The following ATP8B4 variants were observed in gnomAD, a reference collection of about 807,000 sequenced individuals.
ATP8B4 encodes ATPase phospholipid transporting 8B4 (putative), also known as probable phospholipid-transporting ATPase IM.
A neutral mutation model predicts 145.6 loss-of-function variants in ATP8B4; 133 were observed. That is an observed-to-expected ratio of 0.91 (90% CI 0.79 to 1.05). ATP8B4 has a LOEUF of 1.05. Among genes scored for constraint, ATP8B4 ranks in the 50% least tolerant of loss-of-function variants. ATP8B4 has a pLI of 0.00. For missense variants in ATP8B4, 1,458 were observed against 1,425.2 expected (o/e 1.02, Z -0.37); for synonymous variants, 507 against 492.9 (o/e 1.03, Z -0.38).
chr15:49,967,382 T>C (rs554590931), intron 13 of ATP8B4, among the ~76,000 whole-genome samples: 1 of 152,298 alleles, frequency 6.6e-6, no homozygotes, highest in South Asian at 2.1e-4. Flanking sequence ...GTAAAAAGGT[T>C]AGACAAATTG....
At chr15:50,106,574 A>C (rs1319027659) in intron 2 of ATP8B4, among the ~76,000 whole-genome samples, 8 of 152,254 alleles carry the variant, frequency 5.3e-5, no homozygotes, top group Non-Finnish European at 4.4e-5. Context: ...GTATAGGTAT[A>C]TGTCAAAAAC....
intron 14 of ATP8B4, among the ~76,000 whole-genome samples, chr15:49,959,339 T>C (rs544840136): frequency 1.3e-5 from 2 of 152,162 alleles, no homozygotes; most frequent in Admixed American, 6.5e-5. Context: ...TCCAAAAATA[T>C]ATCTATTCTA....
At chr15:50,112,862 T>C (rs1324815482) in intron 1 of ATP8B4, among the ~76,000 whole-genome samples, 1 of 152,072 alleles carries the variant, frequency 6.6e-6, no homozygotes, top group Non-Finnish European at 1.5e-5. Flanking sequence ...TAACATTTTT[T>C]CACAATTCTC....
intron 1 of ATP8B4, among the ~76,000 whole-genome samples, chr15:50,179,213 T>A (rs904530842): frequency 1.3e-5 from 2 of 152,194 alleles, no homozygotes; most frequent in Non-Finnish European, 2.9e-5. Flanking sequence ...ACTCAATAAA[T>A]ATTTGTCAAT....
intron 1 of ATP8B4, among the ~76,000 whole-genome samples, chr15:50,173,183 G>A (rs1183440874): frequency 2.6e-5 from 4 of 152,148 alleles, no homozygotes; most frequent in Admixed American, 6.5e-5. Flanking sequence ...CCGCCACCCC[G>A]TCTGGGAGGT....
chr15:50,105,282 G>A (rs900120363), intron 2 of ATP8B4, among the ~76,000 whole-genome samples: 5 of 148,048 alleles, frequency 3.4e-5, no homozygotes, highest in Admixed American at 6.7e-5. Flanking sequence ...AAGACCCCAC[G>A]TGTGTGTTTG....
intron 14 of ATP8B4, among the ~76,000 whole-genome samples, chr15:49,959,444 G>A (rs866743357): frequency 3.9e-5 from 6 of 151,964 alleles, no homozygotes; most frequent in Middle Eastern, 3.4e-3. Context: ...ATATTACTTT[G>A]TATTATTCTA....
chr15:49,886,419 G>A (rs940929568), intron 23 of ATP8B4, among the ~76,000 whole-genome samples: 1 of 152,264 alleles, frequency 6.6e-6, no homozygotes, highest in Admixed American at 6.5e-5. Flanking sequence ...GGAGGATGGG[G>A]GGAGCATGCA....
At chr15:50,079,568 G>A (rs2054408585) in intron 2 of ATP8B4, among the ~76,000 whole-genome samples, 1 of 152,126 alleles carries the variant, frequency 6.6e-6, no homozygotes, top group African/African-American at 2.4e-5. Context: ...TCTTGCCTCA[G>A]GCATTAATTT....
intron 5 of ATP8B4, among the ~76,000 whole-genome samples, chr15:50,041,872 G>A (rs554466762): frequency 4.6e-5 from 7 of 151,304 alleles, no homozygotes; most frequent in Admixed American, 1.3e-4. Context: ...CCCGGGAGGC[G>A]GAGGTTGCAG....
chr15:50,178,792 C>A (rs2044801584), intron 1 of ATP8B4, among the ~76,000 whole-genome samples: 1 of 152,108 alleles, frequency 6.6e-6, no homozygotes, highest in South Asian at 2.1e-4. Flanking sequence ...CTATTTTAAC[C>A]ATTTTTAAGT....
chr15:49,872,498 A>G (rs2153387546), intron 25 of ATP8B4, among the ~76,000 whole-genome samples: 2 of 152,296 alleles, frequency 1.3e-5, no homozygotes, highest in African/African-American at 4.8e-5. Flanking sequence ...ACATCATTGT[A>G]AGCAAGTAGT....
At chr15:49,919,918 A>T (rs113050322) in intron 18 of ATP8B4, among the ~76,000 whole-genome samples, 8 of 152,272 alleles carry the variant, frequency 5.3e-5, no homozygotes, top group African/African-American at 1.9e-4. Flanking sequence ...CTCTGCTCTA[A>T]AAAGGTGGGT....
intron 16 of ATP8B4, among the ~76,000 whole-genome samples, chr15:49,930,701 C>CA (rs2041171271): frequency 2.0e-5 from 3 of 152,058 alleles, no homozygotes; most frequent in African/African-American, 7.2e-5. Flanking sequence ...TATTCTACTT[C>CA]AAACTATGCG....
chr15:49,924,582 A>T, intron 16 of ATP8B4, among the ~76,000 whole-genome samples: 1 of 151,892 alleles, frequency 6.6e-6, no homozygotes, highest in East Asian at 1.9e-4. Context: ...TTTAGTGCTT[A>T]ATTTAAAAAA....
intron 9 of ATP8B4, among the ~76,000 whole-genome samples, chr15:49,988,936 G>C (rs1276962861): frequency 6.6e-6 from 1 of 152,186 alleles, no homozygotes; most frequent in Non-Finnish European, 1.5e-5. Flanking sequence ...AAAGGAATGA[G>C]GGACTTATGT....
intron 3 of ATP8B4, among the ~76,000 whole-genome samples, chr15:50,054,931 A>G (rs2052492662): frequency 6.6e-6 from 1 of 151,504 alleles, no homozygotes; most frequent in Non-Finnish European, 1.5e-5. Flanking sequence ...CCTTAGTTTC[A>G]CGAACTGGAT....
At chr15:50,142,930 C>T (rs568033946) in intron 1 of ATP8B4, among the ~76,000 whole-genome samples, 12 of 152,252 alleles carry the variant, frequency 7.9e-5, no homozygotes, top group South Asian at 2.1e-4. Context: ...TGAGAAGAAA[C>T]GAACTGTTTC....
intron 3 of ATP8B4, among the ~76,000 whole-genome samples, chr15:50,064,952 C>T (rs75232343): frequency 0.011 from 1,658 of 152,214 alleles, 36 homozygotes; most frequent in African/African-American, 0.039. Context: ...GGTGCTAACC[C>T]ACTCATAAGA....
Sources: allele counts gnomAD v4.1 joint callset (sites outside exome capture counted in the v4.1 genomes callset), GRCh38; gene constraint gnomAD v4.1.1; transcripts MANE v1.5; gene names NCBI Gene and HGNC (gene_info 2026-07-23, HGNC 2026-07-21).